The following BARX2 variants were observed in gnomAD, a reference collection of about 807,000 sequenced individuals.
BARX2 encodes the protein homeobox protein BarH-like 2.
Under a neutral mutation model 25.5 loss-of-function variants are expected in BARX2, and 11 were observed. The ratio of observed to expected loss-of-function variants is 0.43; its 90% CI spans 0.27 to 0.71. BARX2 has a LOEUF of 0.71. BARX2 is among the 30% of genes least tolerant of loss of function. The probability of loss-of-function intolerance (pLI) is 0.19; values close to 1 mark genes in which losing one functional copy is unlikely to be tolerated. For missense variants in BARX2, 360 were observed against 359.9 expected (o/e 1.00, Z 0.00); for synonymous variants, 137 against 149.5 (o/e 0.92, Z 0.61).
intron 1 of BARX2, among the ~76,000 whole-genome samples, chr11:129,385,587 A>T (rs1271657950): frequency 6.6e-6 from 1 of 152,230 alleles, no homozygotes; most frequent in Non-Finnish European, 1.5e-5. Flanking sequence ...TTGAAAAGGC[A>T]CAAACTAATA....
chr11:129,378,676 T>C (rs952135738), intron 1 of BARX2, among the ~76,000 whole-genome samples: 2 of 150,728 alleles, frequency 1.3e-5, no homozygotes, highest in South Asian at 2.1e-4. Context: ...GTTACTGAAC[T>C]TTCTCAGCCT....
chr11:129,397,099 A>C (rs1188762056), intron 1 of BARX2, among the ~76,000 whole-genome samples: 3 of 152,152 alleles, frequency 2.0e-5, no homozygotes, highest in African/African-American at 7.2e-5. Flanking sequence ...ACCCTGGGCA[A>C]CATAGTGAGA....
rs1328076510 is a variant in BARX2 at position 129,451,399 on chromosome 11, C to G, written c.837C>G (p.Ser279Arg). The change falls in exon 4 of 4, where the codon AGC (serine) becomes AGG (arginine). Residue 279 changes from serine (S) to arginine (R), a missense_variant. Transcript: ENST00000281437. Reference protein sequence around the residue: ...PIPSSEPPPLS With the variant: ...PIPSSEPPPLR ...CCTCTTCGGAACCCCCACCATTAAG[C>G]TAAAGTAAAACCCTTTTGAGGGAAG... 1 of 1,612,176 alleles carries G rather than the reference C, an allele frequency of 6.2e-7. No homozygotes were observed.
chr11:129,420,629 A>C (rs974618241), intron 1 of BARX2, among the ~76,000 whole-genome samples: 1 of 152,320 alleles, frequency 6.6e-6, no homozygotes, highest in African/African-American at 2.4e-5. Context: ...TACAGTCTGG[A>C]TCACCCATGG....
At chr11:129,404,737 A>G (rs1861812850) in intron 1 of BARX2, among the ~76,000 whole-genome samples, 1 of 152,154 alleles carries the variant, frequency 6.6e-6, no homozygotes, top group Non-Finnish European at 1.5e-5. Context: ...TGAGCAGTGA[A>G]TGGAGGATTC....
chr11:129,409,963 T>G (rs2135397672), intron 1 of BARX2, among the ~76,000 whole-genome samples: 1 of 152,344 alleles, frequency 6.6e-6, no homozygotes, highest in East Asian at 1.9e-4. Flanking sequence ...TTCTCTACTT[T>G]GTATTCTGAC....
chr11:129,428,521 G>A (rs112959541), intron 1 of BARX2, among the ~76,000 whole-genome samples: 55 of 152,250 alleles, frequency 3.6e-4, no homozygotes, highest in African/African-American at 1.1e-3. Context: ...GAATGCAAGC[G>A]CTTTGTGAAA....
At chr11:129,434,236 CTCTT>C (rs1862160802) in intron 1 of BARX2, among the ~76,000 whole-genome samples, 2 of 128,758 alleles carry the variant, frequency 1.6e-5, no homozygotes, top group South Asian at 2.8e-4. Flanking sequence ...CTATTCATCT[CTCTT>C]TCTCATCAGT....
At chr11:129,387,105 G>A (rs755558766) in intron 1 of BARX2, among the ~76,000 whole-genome samples, 2 of 152,144 alleles carry the variant, frequency 1.3e-5, no homozygotes, top group African/African-American at 2.4e-5. Context: ...TTTATTATAC[G>A]CAGATAGTCG....
At chr11:129,412,689 G>C (rs1422617294) in intron 1 of BARX2, among the ~76,000 whole-genome samples, 1 of 152,222 alleles carries the variant, frequency 6.6e-6, no homozygotes, top group Admixed American at 6.5e-5. Context: ...ACGTCTAGCT[G>C]TTGCCATGGC....
At chr11:129,423,116 G>GT (rs1799169394) in intron 1 of BARX2, among the ~76,000 whole-genome samples, 6 of 64,422 alleles carry the variant, frequency 9.3e-5, no homozygotes, top group Non-Finnish European at 1.6e-4. Flanking sequence ...AATCAGATTG[G>GT]ATTTTTTTTT....
chr11:129,385,090 G>A (rs752712069), intron 1 of BARX2, among the ~76,000 whole-genome samples: 7 of 152,184 alleles, frequency 4.6e-5, no homozygotes, highest in African/African-American at 7.2e-5. Context: ...GGGAACACCC[G>A]AATTAATATG....
At position 129,376,570 on chromosome 11, in the gene BARX2, T is replaced by G. The variant is rs1294008260; in HGVS notation, c.187+348T>G. ...ATCGTTGTTTCAGGAAGTGGTGGTG[T>G]GTGTGAATTTCAAACTTGAGCTTGG... On this transcript the variant is annotated intron_variant, in intron 1 of 3. Transcript: ENST00000281437. The surrounding 1 kb of genome is among the most constrained non-coding windows in gnomAD (Gnocchi z 4.2). 6.6e-6 allele frequency among the ~76,000 whole-genome samples: 1 copy of G among 152,206 alleles called. No homozygotes were observed. The highest frequency in any genetic ancestry group is 1.9e-4 in the East Asian group (1 of 5,196).
intron 3 of BARX2, among the ~76,000 whole-genome samples, chr11:129,448,674 G>C (rs1862359397): frequency 6.6e-6 from 1 of 152,164 alleles, no homozygotes; most frequent in African/African-American, 2.4e-5. Flanking sequence ...CAGCTGGCTG[G>C]AACGTAAAAT....
In BARX2 at chr11:129,439,724, G is replaced by A. The variant is rs76946366; in HGVS notation, c.488+2673G>A. The stretch of plus-strand genomic sequence containing the variant: ...GATGATGGAGACAGGTCTGTGAACC[G>A]GAGGTTAGTAGATGGGCTCTCCAGG... On this transcript the variant is annotated intron_variant, in intron 2 of 3. Transcript: ENST00000281437. Among the ~76,000 whole-genome samples, 594 of 152,270 alleles carry A rather than the reference G, an allele frequency of 3.9e-3. 3 individuals are homozygous for A. The highest frequency in any genetic ancestry group is 0.013 in the African/African-American group (555 of 41,560).
chr11:129,450,005 G>T (rs1020243014), intron 3 of BARX2, among the ~76,000 whole-genome samples: 1 of 152,154 alleles, frequency 6.6e-6, no homozygotes, highest in African/African-American at 2.4e-5. Context: ...TTCAGGTGCC[G>T]TTCTGGTCCT....
chr11:129,392,450 G>T (rs1440982848), intron 1 of BARX2, among the ~76,000 whole-genome samples: 1 of 152,174 alleles, frequency 6.6e-6, no homozygotes, highest in Non-Finnish European at 1.5e-5. Context: ...TCCAAGAAAA[G>T]TATGTGTGGT....
At chr11:129,392,784 G>A (rs1861678845) in intron 1 of BARX2, among the ~76,000 whole-genome samples, 1 of 151,884 alleles carries the variant, frequency 6.6e-6, no homozygotes, top group Non-Finnish European at 1.5e-5. Context: ...CTAATTTTTT[G>A]TATTTTAGTA....
intron 2 of BARX2, among the ~76,000 whole-genome samples, chr11:129,438,787 G>C (rs567916100): frequency 3.3e-5 from 5 of 152,206 alleles, no homozygotes; most frequent in Non-Finnish European, 5.9e-5. Flanking sequence ...CAAGCCAGGC[G>C]CTGGTGCCTG....
Sources: allele counts gnomAD v4.1 joint callset (sites outside exome capture counted in the v4.1 genomes callset), GRCh38; gene constraint gnomAD v4.1.1; non-coding constraint Gnocchi (gnomAD v3.1); transcripts MANE v1.5; gene names NCBI Gene and HGNC (gene_info 2026-07-23, HGNC 2026-07-21).